The following RHBDL3 variants were observed in gnomAD, a reference collection of about 807,000 sequenced individuals.
RHBDL3 encodes the protein rhomboid like 3.
In RHBDL3, 28 loss-of-function variants were observed where a neutral mutation model predicts 48.2. The ratio of observed to expected loss-of-function variants is 0.58; its 90% CI spans 0.43 to 0.80. The LOEUF is 0.80. RHBDL3 is among the 30% of genes least tolerant of loss of function. The pLI is 0.00. For synonymous variants in RHBDL3, 208 were observed against 232.3 expected, an observed-to-expected ratio of 0.90 and a Z score of 0.95; for missense variants, 464 against 542.7, an observed-to-expected ratio of 0.85 and a Z score of 1.44.
intron 8 of RHBDL3, 80 bp from the exon 9 acceptor site, chr17:32,320,878 A>G: frequency 4.1e-6 from 4 of 987,406 alleles, no homozygotes; most frequent in South Asian, 1.4e-5. Context: ...GAATGAATTC[A>G]TGGGTGGGTG....
chr17:32,316,628 C>A (rs2040981381), intron 8 of RHBDL3, among the ~76,000 whole-genome samples: 2 of 151,952 alleles, frequency 1.3e-5, no homozygotes, highest in African/African-American at 4.8e-5. Flanking sequence ...CGGTGATCCT[C>A]CCTCTTCAGC....
chr17:32,272,358 C>G (rs536739692), intron 2 of RHBDL3, among the ~76,000 whole-genome samples: 17 of 152,320 alleles, frequency 1.1e-4, no homozygotes, highest in African/African-American at 3.4e-4. Context: ...TGTAGTCCCC[C>G]CTGCAAGCTG....
In RHBDL3 at chr17:32,298,096, G is replaced by T. The variant is rs1295767153; in HGVS notation, c.673G>T (p.Glu225Ter). The T allele has an allele frequency of 6.2e-7, 1 of 1,608,054 alleles. No homozygotes were observed. The highest frequency in any genetic ancestry group is 2.2e-5 in the East Asian group (1 of 44,842). ...AGTGTGGTCTCTCTGTCACAGGATA[G>T]AACACCTGGGACTCAATGTGGTGCT... Reference protein sequence around the residue: ...LTYIFMHAGIEHLGLNVVLQL... With the variant: ...LTYIFMHAGI The change falls in exon 6 of 9, where the codon GAA becomes TAA. Residue 225 changes from glutamate to a stop codon, truncating the protein, a stop_gained. Coordinates refer to ENST00000269051, the MANE Select transcript of RHBDL3 (RefSeq NM_138328.3). LOFTEE classifies it high-confidence loss of function.
intron 4 of RHBDL3, among the ~76,000 whole-genome samples, chr17:32,289,987 G>T (rs77163497): frequency 0.02 from 3,114 of 152,316 alleles, 47 homozygotes; most frequent in South Asian, 0.039. Context: ...TTGAAGTTGC[G>T]ATTTTTCTGA....
intron 6 of RHBDL3, 43 bp downstream of exon 6, chr17:32,298,247 G>C: frequency 7.4e-7 from 1 of 1,353,504 alleles, no homozygotes; most frequent in Non-Finnish European, 1.1e-6. Context: ...CACTGCCCCA[G>C]GGTGGGGTGG....
chr17:32,272,078 T>C (rs1191424347), intron 2 of RHBDL3, among the ~76,000 whole-genome samples: 1 of 152,230 alleles, frequency 6.6e-6, no homozygotes, highest in African/African-American at 2.4e-5. Context: ...AATATTTAAC[T>C]TCAGGGTGAC....
At chr17:32,273,927 G>C (rs1849011055) in intron 2 of RHBDL3, among the ~76,000 whole-genome samples, 1 of 152,110 alleles carries the variant, frequency 6.6e-6, no homozygotes, top group Non-Finnish European at 1.5e-5. Context: ...GTAGAGACAG[G>C]GTTTCACCAT....
rs540509277 is a variant in RHBDL3 at position 32,275,649 on chromosome 17, G to A, written c.135+7724G>A. Among the ~76,000 whole-genome samples the A allele has an allele frequency of 9.5e-4, 145 of 152,270 alleles. 7 individuals are homozygous for A. In the South Asian group the frequency reaches 0.029, roughly 30 times the overall value. The stretch of plus-strand genomic sequence containing the variant: ...TGTCAAGGGCTCAGCCTGAGTTCAG[G>A]CCAGGATGCCTGTCTCTCCCTAATC... On this transcript the variant is annotated intron_variant, in intron 2 of 8. Transcript: ENST00000269051.
chr17:32,305,872 C>T (rs1051170731), intron 7 of RHBDL3, among the ~76,000 whole-genome samples: 14 of 150,718 alleles, frequency 9.3e-5, no homozygotes, highest in South Asian at 2.1e-4. Context: ...GAGCCGAGAT[C>T]GCGCCACTGC....
At position 32,302,531 on chromosome 17, in the gene RHBDL3, GTATA is replaced by G. The variant is rs141019006; in HGVS notation, c.782-2792_782-2789del. ...GCGCCACCATGTCCAGCTAATTTTTGTATATATATATATATATATATTTTTTTTT... is the reference window on the plus strand; with the variant it reads ...GCGCCACCATGTCCAGCTAATTTTTGTATATATATATATATATTTTTTTTT... On this transcript the variant is annotated intron_variant, in intron 6 of 8. Transcript: ENST00000269051. Among the ~76,000 whole-genome samples, 254 of 122,496 alleles carry G rather than the reference GTATA, an allele frequency of 2.1e-3. 2 individuals carry two copies. The highest frequency in any genetic ancestry group is 6.1e-3 in the African/African-American group (235 of 38,370). 80.4% of individuals were successfully genotyped at this position (122,496 alleles called of 152,430 possible).
chr17:32,315,992 C>G (rs56360040), intron 7 of RHBDL3, among the ~76,000 whole-genome samples: 7,120 of 152,064 alleles, frequency 0.047, 210 homozygotes, highest in South Asian at 0.079. Flanking sequence ...AGGGCCTCTC[C>G]TCTTCCTAGA....
At chr17:32,316,316 G>A (rs1227832507) in intron 8 of RHBDL3, 24 bp downstream of exon 8, 4 of 1,596,768 alleles carry the variant, frequency 2.5e-6, no homozygotes, top group Non-Finnish European at 3.4e-6. Flanking sequence ...GGGCGCTGGG[G>A]AACCAAAGCC....
At chr17:32,267,965 C>A in intron 2 of RHBDL3, 40 bp downstream of exon 2, 1 of 1,518,326 alleles carries the variant, frequency 6.6e-7, no homozygotes, top group Non-Finnish European at 9.2e-7. Context: ...TCCAGCCCTC[C>A]CTGAAATCGG....
chr17:32,296,328 T>A, intron 5 of RHBDL3, among the ~76,000 whole-genome samples: 1 of 121,858 alleles, frequency 8.2e-6, no homozygotes, highest in East Asian at 2.1e-4. Flanking sequence ...GCAGAATAGG[T>A]CTCTTTTTTT....
At chr17:32,302,371 T>C (rs2040602818) in intron 6 of RHBDL3, among the ~76,000 whole-genome samples, 2 of 152,074 alleles carry the variant, frequency 1.3e-5, no homozygotes, top group African/African-American at 2.4e-5. Flanking sequence ...TTGGAGTTTT[T>C]TTTGAGACGA....
At position 32,321,715 on chromosome 17, in the gene RHBDL3, G is replaced by A. The variant is rs2041139056; in HGVS notation, c.*486G>A. 1 of 254,784 alleles carries A rather than the reference G, an allele frequency of 3.9e-6. No individual in the cohort carries two copies. Among genetic ancestry groups the A allele is most frequent in the African/African-American group, 2.2e-5 (1 of 45,434 alleles). 15.8% of individuals were successfully genotyped at this position (254,784 alleles called of 1,614,324 possible). On this transcript the variant is annotated 3_prime_UTR_variant, in exon 9 of 9. Coordinates refer to ENST00000269051, the MANE Select transcript of RHBDL3 (RefSeq NM_138328.3). ...TGTCTCCTTGACACCTGCTGTGTCT[G>A]GGGCTCCAGTAAGAAGAGGGCCTAC...
At chr17:32,272,649 C>A (rs542662547) in intron 2 of RHBDL3, among the ~76,000 whole-genome samples, 1 of 152,338 alleles carries the variant, frequency 6.6e-6, no homozygotes, top group East Asian at 1.9e-4. Flanking sequence ...CTTACTCCTG[C>A]CCCAGTGACC....
intron 6 of RHBDL3, among the ~76,000 whole-genome samples, chr17:32,300,880 CT>C (rs576118492): frequency 1.4e-3 from 210 of 144,868 alleles, no homozygotes; most frequent in Non-Finnish European, 1.4e-3. Context: ...TGCTTCTTTC[CT>C]TTTTTTTTTT....
At chr17:32,296,331 CTTTTTTT>C (rs5819975) in intron 5 of RHBDL3, among the ~76,000 whole-genome samples, 1 of 83,782 alleles carries the variant, frequency 1.2e-5, no homozygotes, top group Non-Finnish European at 2.3e-5. Context: ...GAATAGGTCT[CTTTTTTT>C]TTTTTTTTTT....
Sources: allele counts gnomAD v4.1 joint callset (sites outside exome capture counted in the v4.1 genomes callset), GRCh38; gene constraint gnomAD v4.1.1; transcripts MANE v1.5; gene names NCBI Gene and HGNC (gene_info 2026-07-23, HGNC 2026-07-21).